KDSR: variants seen among roughly 807,000 people sequenced by gnomAD.
The protein encoded by KDSR is 3-dehydrosphinganine reductase.
KDSR carries 23 observed loss-of-function variants against 41.3 expected under a neutral mutation model. That is an observed-to-expected ratio of 0.56 (90% CI 0.40 to 0.79). The LOEUF (loss-of-function observed/expected upper bound fraction) is 0.79, where lower values mean the gene tolerates loss of function less well. KDSR is among the 30% of genes least tolerant of loss of function. The pLI, the probability that KDSR is intolerant of heterozygous loss-of-function variation, is 0.00. For missense variants in KDSR, 351 were observed against 416.8 expected (o/e 0.84, Z 1.37); for synonymous variants, 138 against 151.7 (o/e 0.91, Z 0.66).
chr18:63,344,558 C>G, intron 6 of KDSR, 65 bp from the exon 7 acceptor site: 1 of 1,129,434 alleles, frequency 8.9e-7, no homozygotes, highest in Non-Finnish European at 1.3e-6. Context: ...ACACTGCCAA[C>G]CTGCACTGGC....
chr18:63,341,580 T>C (rs1301916731), intron 7 of KDSR, among the ~76,000 whole-genome samples: 1 of 151,590 alleles, frequency 6.6e-6, no homozygotes, highest in Admixed American at 6.6e-5. Flanking sequence ...TGAAATACTT[T>C]GGGAAGAAAG....
intron 7 of KDSR, among the ~76,000 whole-genome samples, chr18:63,339,682 T>C (rs1292703134): frequency 1.3e-5 from 2 of 152,234 alleles, no homozygotes; most frequent in African/African-American, 4.8e-5. Context: ...TGCATTTGCA[T>C]TTTACCTCCT....
intron 8 of KDSR, 135 bp downstream of exon 8, chr18:63,338,665 A>G (rs1216264634): frequency 1.5e-6 from 1 of 657,234 alleles, no homozygotes; most frequent in Non-Finnish European, 2.6e-6. Context: ...GTTGAGTCCA[A>G]TATTAGATAT....
At chr18:63,339,474 C>A (rs757118819) in intron 7 of KDSR, among the ~76,000 whole-genome samples, 1 of 152,216 alleles carries the variant, frequency 6.6e-6, no homozygotes, top group African/African-American at 2.4e-5. Context: ...TAGGAGATAA[C>A]CCTGAGTGGT....
At chr18:63,345,800 G>A (rs1914483224) in intron 6 of KDSR, 1 of 151,914 alleles carries the variant, frequency 6.6e-6, no homozygotes, top group Non-Finnish European at 1.5e-5. Flanking sequence ...AAATTAGCTG[G>A]GTGTGGTGGC....
chr18:63,328,376 AGAGTCTCGCACT>A lies in KDSR; in HGVS notation c.*3394_*3405del, dbSNP rs1482542895. 1 of 157,266 alleles carries A rather than the reference AGAGTCTCGCACT, an allele frequency of 6.4e-6. No individual in the cohort carries two copies. Among genetic ancestry groups the A allele is most frequent in the Non-Finnish European group, 1.4e-5 (1 of 72,410 alleles). The allele number at this position is 157,266 out of a possible 1,614,324, so 9.7% of individuals were successfully genotyped here. On this transcript the variant is annotated 3_prime_UTR_variant, in exon 10 of 10. Transcript: ENST00000645214. Reference sequence around the variant, plus strand: ...TTTTCTTTTTTTTTTTTTTTGAGACAGAGTCTCGCACTGTCACCTAGGCTGGAGTGCAGTGGC... The same window carrying A: ...TTTTCTTTTTTTTTTTTTTTGAGACAGTCACCTAGGCTGGAGTGCAGTGGC...
chr18:63,337,274 C>A (rs1440295495), intron 8 of KDSR, among the ~76,000 whole-genome samples: 1 of 151,894 alleles, frequency 6.6e-6, no homozygotes, highest in Non-Finnish European at 1.5e-5. Flanking sequence ...TGTCACCACA[C>A]CCGACTAATT....
At chr18:63,357,594 A>ATATTTTT (rs1555715128) in intron 3 of KDSR, among the ~76,000 whole-genome samples, 7 of 120,808 alleles carry the variant, frequency 5.8e-5, no homozygotes, top group Non-Finnish European at 1.1e-4. Flanking sequence ...ATATATATAT[A>ATATTTTT]TTTTTTTTTG....
At chr18:63,339,596 C>T (rs2849376) in intron 7 of KDSR, among the ~76,000 whole-genome samples, 94,503 of 152,074 alleles carry the variant, frequency 0.62, 30,835 homozygotes, top group Admixed American at 0.72. Flanking sequence ...AAAGCCTTCC[C>T]TAAATACCTA....
At chr18:63,364,823 T>C (rs955380941) in intron 1 of KDSR, among the ~76,000 whole-genome samples, 1 of 152,222 alleles carries the variant, frequency 6.6e-6, no homozygotes, top group African/African-American at 2.4e-5. Flanking sequence ...AATTATATTG[T>C]AATGTCTTAT....
intron 9 of KDSR, among the ~76,000 whole-genome samples, chr18:63,332,768 C>G (rs904822850): frequency 1.4e-5 from 2 of 139,130 alleles, no homozygotes; most frequent in Non-Finnish European, 3.0e-5. Flanking sequence ...GGAGGCAGAG[C>G]GTGCAGTGAG....
Position 63,335,257 on chromosome 18 carries a change from C to T in KDSR, c.879G>A (p.Gln293=), listed in dbSNP as rs752611378. ...PVTSITEGLQ[Q]VVTMGLFRTI... ...GATTGCTAGCCTAGGCAGAGCTTAC[C>T]TGCTGGAGCCCCTCAGTAATAGAAG... The change falls in exon 9 of 10, where the codon CAG becomes CAA. Residue 293 remains glutamine, a splice_region_variant and synonymous_variant. Transcript: ENST00000645214. 6.5e-5 allele frequency: 104 copies of T among 1,607,504 alleles called. No individual in the cohort carries two copies. Among genetic ancestry groups the T allele is most frequent in the Non-Finnish European group, 8.1e-5 (95 of 1,174,214 alleles).
intron 1 of KDSR, among the ~76,000 whole-genome samples, chr18:63,365,317 TGTA>T (rs1915103096): frequency 6.6e-6 from 1 of 152,258 alleles, no homozygotes; most frequent in African/African-American, 2.4e-5. Context: ...TTCTTAATTA[TGTA>T]TGGGCAGACA....
chr18:63,347,737 T>G (rs961963660), intron 6 of KDSR, among the ~76,000 whole-genome samples: 6 of 152,022 alleles, frequency 3.9e-5, no homozygotes, highest in Non-Finnish European at 8.8e-5. Flanking sequence ...TTGTTTTTTT[T>G]GGGCTTGGTC....
rs192158889 is a variant in KDSR at position 63,335,418 on chromosome 18, C to T, written c.778-60G>A. 68 of 1,156,802 alleles carry T rather than the reference C, an allele frequency of 5.9e-5. No homozygotes were observed. The East Asian group carries it at 9.1e-4, about 15-fold the overall frequency. The allele number at this position is 1,156,802 out of a possible 1,614,324, so 71.7% of individuals were successfully genotyped here. On this transcript the variant is annotated intron_variant, in intron 8 of 9. Transcript: ENST00000645214. ...CCTAGTAATGTGGACAGAAATCAGT[C>T]GGACACATCAGAAACAGTGGAGTGT...
At chr18:63,337,398 G>A (rs537517044) in intron 8 of KDSR, among the ~76,000 whole-genome samples, 3 of 152,172 alleles carry the variant, frequency 2.0e-5, no homozygotes, top group South Asian at 2.1e-4. Flanking sequence ...TTACAGGCAC[G>A]AGTCACTGTG....
At chr18:63,347,694 C>G (rs906178311) in intron 6 of KDSR, among the ~76,000 whole-genome samples, 1 of 151,924 alleles carries the variant, frequency 6.6e-6, no homozygotes, top group African/African-American at 2.4e-5. Context: ...GGGGCATGAT[C>G]AGGGTAAGAA....
At position 63,329,786 on chromosome 18, in the gene KDSR, T is replaced by A. The variant is rs1487517563; in HGVS notation, c.*1996A>T. ...ACTAGATTCTAATATAGATCAGCAG[T>A]AGAAGGTGCCAACATTCGAGGAACA... On this transcript the variant is annotated 3_prime_UTR_variant, in exon 10 of 10. Coordinates refer to ENST00000645214, the MANE Select transcript of KDSR (RefSeq NM_002035.4). 1 of 194,766 alleles carries A rather than the reference T, an allele frequency of 5.1e-6. No individual in the cohort carries two copies. Among genetic ancestry groups the A allele is most frequent in the Non-Finnish European group, 1.1e-5 (1 of 93,652 alleles). 12.1% of individuals were successfully genotyped at this position (194,766 alleles called of 1,614,324 possible).
intron 3 of KDSR, among the ~76,000 whole-genome samples, 155 bp from the exon 4 acceptor site, chr18:63,355,718 C>G (rs561788144): frequency 3.9e-5 from 6 of 152,312 alleles, no homozygotes; most frequent in Non-Finnish European, 8.8e-5. Context: ...TTAGCAGAAT[C>G]TAATTTTCTT....
Sources: allele counts gnomAD v4.1 joint callset (sites outside exome capture counted in the v4.1 genomes callset), GRCh38; gene constraint gnomAD v4.1.1; transcripts MANE v1.5; gene names NCBI Gene and HGNC (gene_info 2026-07-23, HGNC 2026-07-21).